The following WDR20 variants were observed in gnomAD, a reference collection of about 807,000 sequenced individuals.
The protein encoded by WDR20 is WD repeat-containing protein 20.
A neutral mutation model predicts 38.7 loss-of-function variants in WDR20; 3 were observed. The ratio of observed to expected loss-of-function variants is 0.08; its 90% CI spans 0.04 to 0.20. The LOEUF is 0.20. WDR20 is among the 10% of genes least tolerant of loss of function. The pLI is 1.00. For synonymous variants in WDR20, 298 were observed against 285.6 expected (o/e 1.04, Z -0.44); for missense variants, 559 against 727.7 (o/e 0.77, Z 2.67).
intron 1 of WDR20, among the ~76,000 whole-genome samples, chr14:102,161,114 A>G (rs1192650219): frequency 1.0e-4 from 7 of 67,140 alleles, no homozygotes; most frequent in African/African-American, 1.5e-4. Flanking sequence ...GGGTCAAAGC[A>G]TAACTGCATA....
intron 1 of WDR20, among the ~76,000 whole-genome samples, chr14:102,161,121 CATAT>C (rs1180738049): frequency 0.023 from 256 of 11,126 alleles, 15 homozygotes; most frequent in Middle Eastern, 0.05. Flanking sequence ...AGCATAACTG[CATAT>C]ATATATATAT....
At chr14:102,213,728 A>G (rs2062842771), downstream of WDR20, 1 of 985,310 alleles carries the variant, frequency 1.0e-6, no homozygotes, top group African/African-American at 1.7e-5. Context: ...GTAAAGTATG[A>G]AATGAGTGCT....
chr14:102,142,837 G>T (rs1365210404), intron 1 of WDR20, among the ~76,000 whole-genome samples: 1 of 134,826 alleles, frequency 7.4e-6, no homozygotes, highest in Non-Finnish European at 1.5e-5. Context: ...TAATTATTTG[G>T]ATTATTCAGA....
chr14:102,185,902 C>T (rs2064580384), intron 1 of WDR20, among the ~76,000 whole-genome samples: 1 of 151,532 alleles, frequency 6.6e-6, no homozygotes, highest in Admixed American at 6.6e-5. Context: ...TGTTCTTTTC[C>T]TCCATTTTCA....
intron 1 of WDR20, among the ~76,000 whole-genome samples, chr14:102,161,140 ATATTTTT>A (rs1490004111): frequency 9.3e-5 from 1 of 10,800 alleles, no homozygotes; most frequent in African/African-American, 3.8e-4. Context: ...ATATATATAT[ATATTTTT>A]TTTTTTTTTT....
chr14:102,215,094 T>C, downstream of WDR20: 1 of 665,538 alleles, frequency 1.5e-6, no homozygotes, highest in South Asian at 6.8e-5. Context: ...TGCTGTAAAA[T>C]TAAGGACCTT....
At chr14:102,215,520 G>A (rs1370286273), downstream of WDR20, among the ~76,000 whole-genome samples, 1 of 152,146 alleles carries the variant, frequency 6.6e-6, no homozygotes, top group Non-Finnish European at 1.5e-5. Flanking sequence ...TTGTTACATA[G>A]GGATGCATGT....
chr14:102,155,711 C>A (rs1019083497), intron 1 of WDR20, among the ~76,000 whole-genome samples: 3 of 152,002 alleles, frequency 2.0e-5, no homozygotes, highest in Non-Finnish European at 4.4e-5. Context: ...ACATGTTCCT[C>A]AGTTATGAAT....
chr14:102,139,616 G>A, upstream of WDR20: 1 of 653,860 alleles, frequency 1.5e-6, no homozygotes, highest in African/African-American at 1.8e-5. Context: ...GCTGCGGAAC[G>A]GTCAACTAGA....
upstream of WDR20, chr14:102,139,744 G>A: frequency 2.2e-6 from 2 of 918,792 alleles, no homozygotes; most frequent in South Asian, 3.4e-5. Flanking sequence ...GCACGCCTGC[G>A]CAGTCGGGCC....
At chr14:102,169,165 C>T (rs747946116) in intron 1 of WDR20, among the ~76,000 whole-genome samples, 4 of 152,216 alleles carry the variant, frequency 2.6e-5, no homozygotes, top group African/African-American at 9.6e-5. Context: ...CAATGGTACA[C>T]GCTCTGCTTA....
At chr14:102,156,448 G>A (rs544805466) in intron 1 of WDR20, among the ~76,000 whole-genome samples, 12 of 152,158 alleles carry the variant, frequency 7.9e-5, no homozygotes, top group South Asian at 4.1e-4. Context: ...GATTGCAGGC[G>A]TGAGCCACTG....
chr14:102,168,468 A>T (rs2060188861), intron 1 of WDR20, among the ~76,000 whole-genome samples: 1 of 152,066 alleles, frequency 6.6e-6, no homozygotes, highest in Non-Finnish European at 1.5e-5. Flanking sequence ...TTAGGTCCCT[A>T]GTACCGAGTA....
chr14:102,165,573 G>A (rs1477497028), intron 1 of WDR20, among the ~76,000 whole-genome samples: 1 of 151,128 alleles, frequency 6.6e-6, no homozygotes, highest in Non-Finnish European at 1.5e-5. Context: ...TAATCATTGT[G>A]GTATTAAATA....
downstream of WDR20, chr14:102,224,729 C>T (rs1243430754): frequency 4.4e-6 from 2 of 455,922 alleles, no homozygotes; most frequent in Admixed American, 4.7e-5. Flanking sequence ...AGTTCTCAGC[C>T]TGCCCCACTC....
rs1050086509 is a variant in WDR20 at position 102,207,628 on chromosome 14, C to T, written c.433-975C>T. ...GAGCTTCTAGGTAGAACTTGGGAGT[C>T]TTGGGACTTCTGGATGTGTTCTGGT... is the stretch of plus-strand genomic sequence containing the variant. On this transcript the variant is annotated intron_variant, in intron 2 of 2. Transcript: ENST00000342702. The surrounding 1 kb of genome is among the most constrained non-coding windows in gnomAD (Gnocchi z 5.0). 1.1e-4 allele frequency among the ~76,000 whole-genome samples: 17 copies of T among 152,164 alleles called. No homozygotes were observed. The highest frequency in any genetic ancestry group is 4.1e-4 in the African/African-American group (17 of 41,448).
downstream of WDR20, chr14:102,212,755 T>C (rs1597077914): frequency 1.5e-6 from 2 of 1,357,598 alleles, no homozygotes; most frequent in Non-Finnish European, 1.9e-6. Flanking sequence ...CTGCTAACCC[T>C]AGGAGAAATT....
Position 102,139,913 on chromosome 14 carries a change from T to C in WDR20, c.-11T>C, listed in dbSNP as rs928538251. 6.2e-7 allele frequency: 1 copy of C among 1,611,622 alleles called. No homozygotes were observed. The highest frequency in any genetic ancestry group is 1.3e-5 in the African/African-American group (1 of 75,012). On this transcript the variant is annotated 5_prime_UTR_variant, in exon 1 of 3. Transcript: ENST00000342702. ...CGGGCACTTAGGGCAGGATGAACGC[T>C]GCTTTCCAAGATGGCGACGGAGGGA...
chr14:102,189,151 A>G (rs538011381), intron 1 of WDR20, among the ~76,000 whole-genome samples: 3 of 152,282 alleles, frequency 2.0e-5, no homozygotes, highest in African/African-American at 7.2e-5. Context: ...CAGAGGTCGC[A>G]GTGAGCCCAG....
Sources: gnomAD v4.1 joint callset for allele counts (sites outside exome capture counted in the v4.1 genomes callset) on GRCh38, gnomAD v4.1.1 for gene constraint, Gnocchi (gnomAD v3.1) non-coding constraint, MANE v1.5 for transcripts, NCBI Gene and HGNC (gene_info 2026-07-23, HGNC 2026-07-21) for gene names.